Variants in HMGB1 observed in about 807,000 individuals in gnomAD.
The protein encoded by HMGB1 is high mobility group box 1.
For synonymous variants in HMGB1, 81 were observed against 84.0 expected, an observed-to-expected ratio of 0.96 and a Z score of 0.19; for missense variants, 79 against 253.5, an observed-to-expected ratio of 0.31 and a Z score of 4.67.
At chr13:30,526,339 A>G (rs4769839) in intron 1 of HMGB1, among the ~76,000 whole-genome samples, 81,586 of 152,068 alleles carry the variant, frequency 0.54, 22,263 homozygotes, top group Non-Finnish European at 0.58. Context: ...TTATAGGCGC[A>G]AGCCACTACG....
intron 1 of HMGB1, among the ~76,000 whole-genome samples, chr13:30,598,886 T>C (rs1338091254): frequency 7.2e-6 from 1 of 139,518 alleles, no homozygotes; most frequent in Non-Finnish European, 1.6e-5. Context: ...TTTATATATA[T>C]ACATGTACAC....
intron 1 of HMGB1, among the ~76,000 whole-genome samples, chr13:30,564,659 ATATT>A (rs1870113489): frequency 6.6e-6 from 1 of 152,230 alleles, no homozygotes; most frequent in South Asian, 2.1e-4. Flanking sequence ...TCCAGAAGTC[ATATT>A]TAAAGAATAT....
intron 1 of HMGB1, among the ~76,000 whole-genome samples, chr13:30,481,045 G>GT (rs1376337204): frequency 3.7e-5 from 5 of 136,688 alleles, no homozygotes; most frequent in Non-Finnish European, 5.9e-5. Flanking sequence ...TCTTGTGTGT[G>GT]TTTTTTTTTC....
rs529071299 is a variant in HMGB1 at position 30,563,166 on chromosome 13, C to T, written c.-15+53505G>A. On this transcript the variant is annotated intron_variant, in intron 1 of 4. Coordinates refer to the HMGB1 transcript ENST00000405805. ...TTACTAGAACAAGGAAGCTCTGCTT[C>T]GAGGTCAAATCGATTTCTGCATTTA... 4.1e-4 allele frequency among the ~76,000 whole-genome samples: 62 copies of T among 152,340 alleles called. No homozygotes were observed. The South Asian group carries it at 0.011, about 27-fold the overall frequency.
At chr13:30,610,241 A>G (rs1016374175) in intron 1 of HMGB1, among the ~76,000 whole-genome samples, 5 of 152,216 alleles carry the variant, frequency 3.3e-5, no homozygotes, top group African/African-American at 1.2e-4. Flanking sequence ...TGGGCAGTCA[A>G]AAGCATGGGG....
At chr13:30,493,712 T>G (rs1887550233) in intron 1 of HMGB1, among the ~76,000 whole-genome samples, 1 of 152,070 alleles carries the variant, frequency 6.6e-6, no homozygotes. Flanking sequence ...TGGGAGGATC[T>G]CTTGAGCCCA....
At position 30,508,194 on chromosome 13, in the gene HMGB1, G is replaced by A. The variant is rs547072641; in HGVS notation, c.-14-44500C>T. Among the ~76,000 whole-genome samples the A allele has an allele frequency of 1.1e-3, 163 of 152,182 alleles. 1 individual carries two copies. In the South Asian group the frequency reaches 0.017, roughly 16 times the overall value. ...AAAAATAGATTAATCTAAGAAAGTC[G>A]TGTTTATACCATGTCTTATGGAATT... On this transcript the variant is annotated intron_variant, in intron 1 of 4. Coordinates refer to the HMGB1 transcript ENST00000405805.
At chr13:30,585,665 C>CA (rs1160349577) in intron 1 of HMGB1, among the ~76,000 whole-genome samples, 45 of 137,244 alleles carry the variant, frequency 3.3e-4, no homozygotes, top group South Asian at 2.5e-3. Flanking sequence ...GACTCCATCT[C>CA]AAAAAAAAAA....
At chr13:30,463,920 A>G in intron 1 of HMGB1, 1 of 452,438 alleles carries the variant, frequency 2.2e-6, no homozygotes, top group East Asian at 4.6e-5. Context: ...CGATCTCAAA[A>G]AGTCTAGACA....
At chr13:30,615,706 A>G (rs1950553780) in intron 1 of HMGB1, among the ~76,000 whole-genome samples, 1 of 152,080 alleles carries the variant, frequency 6.6e-6, no homozygotes, top group Admixed American at 6.5e-5. Flanking sequence ...AGTAGCTTTT[A>G]TATCCCAGGT....
At chr13:30,474,982 GAGAC>G (rs1379520976) in intron 1 of HMGB1, among the ~76,000 whole-genome samples, 2 of 21,622 alleles carry the variant, frequency 9.2e-5, no homozygotes, top group African/African-American at 3.6e-4. Flanking sequence ...TTTTTTTTTT[GAGAC>G]AGGGTCTCCC....
Position 30,596,953 on chromosome 13 carries a change from G to C in HMGB1, c.-15+19718C>G, listed in dbSNP as rs554049323. The stretch of plus-strand genomic sequence containing the variant: ...TAGTATGTAGGTGAACAAATACTGG[G>C]TTAGTCAGTGGACCTACATTTGAAT... On this transcript the variant is annotated intron_variant, in intron 1 of 4. Coordinates refer to the HMGB1 transcript ENST00000405805. Among the ~76,000 whole-genome samples, 5 of 152,310 alleles carry C rather than the reference G, an allele frequency of 3.3e-5. No homozygotes were observed. In the South Asian group the frequency reaches 1.0e-3, roughly 32 times the overall value.
chr13:30,464,761 T>TGTGTGTGTGTGTGTGTGTGTGTG (rs1886625525), intron 1 of HMGB1: 1 of 164,078 alleles, frequency 6.1e-6, no homozygotes, highest in Non-Finnish European at 1.1e-5. Flanking sequence ...CTCCTTCCCT[T>TGTGTGTGTGTGTGTGTGTGTGTG]TGTGTGTGTG....
chr13:30,497,410 T>C (rs1358482998), intron 1 of HMGB1, among the ~76,000 whole-genome samples: 1 of 149,854 alleles, frequency 6.7e-6, no homozygotes, highest in Non-Finnish European at 1.5e-5. Flanking sequence ...TTTGTATTTT[T>C]AGTAGAGATG....
chr13:30,607,217 A>G (rs1317932990), intron 1 of HMGB1, among the ~76,000 whole-genome samples: 2 of 152,232 alleles, frequency 1.3e-5, no homozygotes, highest in Admixed American at 6.5e-5. Flanking sequence ...CCAGGAGACT[A>G]TAATTATTAA....
chr13:30,590,693 G>A (rs1871333064), intron 1 of HMGB1, among the ~76,000 whole-genome samples: 1 of 152,138 alleles, frequency 6.6e-6, no homozygotes, highest in South Asian at 2.1e-4. Context: ...AATCCTCAAT[G>A]CAACAGTATT....
At chr13:30,509,111 C>CT (rs1355490097) in intron 1 of HMGB1, among the ~76,000 whole-genome samples, 5 of 152,020 alleles carry the variant, frequency 3.3e-5, no homozygotes, top group Admixed American at 2.0e-4. Flanking sequence ...TAAAAACATG[C>CT]TTTTTTGTAG....
At chr13:30,582,163 CA>C (rs1870927767) in intron 1 of HMGB1, among the ~76,000 whole-genome samples, 1 of 152,118 alleles carries the variant, frequency 6.6e-6, no homozygotes, top group Non-Finnish European at 1.5e-5. Flanking sequence ...AGGAGCTGGA[CA>C]CTTAAGCAAG....
rs1322334256 is a variant in HMGB1 at position 30,457,057 on chromosome 13, A to G, written c.*4300T>C. 1 of 152,246 alleles carries G rather than the reference A, an allele frequency of 6.6e-6. No homozygotes were observed. The highest frequency in any genetic ancestry group is 2.4e-5 in the African/African-American group (1 of 41,464). 9.4% of individuals were successfully genotyped at this position (152,246 alleles called of 1,614,324 possible). The stretch of plus-strand genomic sequence containing the variant: ...GGAATGTCACGTACATGACTGAATT[A>G]TGTGACTAAAGAGAACAATGAATAT... On this transcript the variant is annotated 3_prime_UTR_variant, in exon 5 of 5. Transcript: ENST00000341423.
Sources: gnomAD v4.1 joint callset for allele counts (sites outside exome capture counted in the v4.1 genomes callset) on GRCh38, gnomAD v4.1.1 for gene constraint, MANE v1.5 for transcripts, NCBI Gene and HGNC (gene_info 2026-07-23, HGNC 2026-07-21) for gene names.